Variants in MGLL observed in about 807,000 individuals in gnomAD.
MGLL encodes the protein monoglyceride lipase.
A neutral mutation model predicts 29.1 loss-of-function variants in MGLL; 7 were observed. The observed-to-expected ratio is 0.24, with a 90% CI of 0.14 to 0.45. MGLL has a LOEUF of 0.45. MGLL is among the 20% of genes least tolerant of loss of function. MGLL has a pLI of 0.99. For synonymous variants in MGLL, 148 were observed against 168.3 expected, an observed-to-expected ratio of 0.88 and a Z score of 0.93; for missense variants, 356 against 413.6, an observed-to-expected ratio of 0.86 and a Z score of 1.21.
intron 3 of MGLL, among the ~76,000 whole-genome samples, chr3:127,758,130 C>T (rs1313343442): frequency 1.3e-5 from 2 of 152,164 alleles, no homozygotes; most frequent in Non-Finnish European, 2.9e-5. Context: ...TTTGCACTGG[C>T]CACCCCCTTT....
At chr3:127,730,801 G>A (rs1004143753) in intron 3 of MGLL, among the ~76,000 whole-genome samples, 3 of 152,192 alleles carry the variant, frequency 2.0e-5, no homozygotes, top group Admixed American at 6.5e-5. Flanking sequence ...TGCTGCAGTG[G>A]CTTCTAAGGT....
At chr3:127,702,769 A>T (rs1194816426) in intron 6 of MGLL, among the ~76,000 whole-genome samples, 1 of 152,070 alleles carries the variant, frequency 6.6e-6, no homozygotes, top group East Asian at 1.9e-4. Flanking sequence ...ATCTTGGCTC[A>T]CTGCAACCTC....
At chr3:127,790,071 ATCC>A (rs2077275276) in intron 2 of MGLL, among the ~76,000 whole-genome samples, 1 of 152,222 alleles carries the variant, frequency 6.6e-6, no homozygotes, top group Admixed American at 6.5e-5. Context: ...AAAAAGCAGT[ATCC>A]TGTGGGCTGG....
intron 3 of MGLL, among the ~76,000 whole-genome samples, chr3:127,726,180 G>GAAAGA (rs1425884579): frequency 7.8e-5 from 4 of 51,388 alleles, no homozygotes; most frequent in Non-Finnish European, 1.3e-4. Context: ...AAGAAAGAAA[G>GAAAGA]AAAGAAAAGA....
At chr3:127,713,928 G>A (rs1404337104) in intron 5 of MGLL, 1 of 152,332 alleles carries the variant, frequency 6.6e-6, no homozygotes, top group Non-Finnish European at 1.5e-5. Flanking sequence ...GTTTCACAGA[G>A]GTTGGGGAAG....
rs146072926 is a variant in MGLL at position 127,731,436 on chromosome 3, T to A, written c.263-8870A>T. Among the ~76,000 whole-genome samples, 709 of 152,164 alleles carry A rather than the reference T, an allele frequency of 4.7e-3. 3 individuals carry two copies. Among genetic ancestry groups the A allele is most frequent in the African/African-American group, 0.016 (663 of 41,494 alleles). On this transcript the variant is annotated intron_variant, in intron 3 of 7. Coordinates refer to ENST00000265052, the MANE Select transcript of MGLL (RefSeq NM_007283.7). ...TAGTTTTGTGTCTCTATGTATTAAC[T>A]ATGTTTTTAAATTTGCTGTACTTTG... is the stretch of plus-strand genomic sequence containing the variant.
chr3:127,785,396 G>A (rs953831189), intron 2 of MGLL, among the ~76,000 whole-genome samples: 2 of 152,242 alleles, frequency 1.3e-5, no homozygotes, highest in Non-Finnish European at 2.9e-5. Context: ...GCTTCCTGAT[G>A]GAAGGTCACA....
At chr3:127,741,630 T>C (rs2107655531) in intron 3 of MGLL, among the ~76,000 whole-genome samples, 1 of 152,342 alleles carries the variant, frequency 6.6e-6, no homozygotes, top group South Asian at 2.1e-4. Flanking sequence ...GTAATTTGCC[T>C]CCTTGCTCAG....
chr3:127,704,839 T>A (rs2075568015), intron 6 of MGLL, among the ~76,000 whole-genome samples: 1 of 151,996 alleles, frequency 6.6e-6, no homozygotes, highest in Admixed American at 6.6e-5. Context: ...AGAAACCCCA[T>A]TTGACCCAGC....
chr3:127,722,130 C>T (rs1209690906), intron 4 of MGLL, among the ~76,000 whole-genome samples: 2 of 152,208 alleles, frequency 1.3e-5, no homozygotes, highest in Non-Finnish European at 2.9e-5. Context: ...TTCCCCCCTC[C>T]AAGAAGTGGC....
intron 2 of MGLL, among the ~76,000 whole-genome samples, chr3:127,800,452 G>A (rs2077455988): frequency 6.6e-6 from 1 of 152,196 alleles, no homozygotes; most frequent in Admixed American, 6.5e-5. Context: ...TGGGCAAGTT[G>A]CTGAACTACT....
intron 5 of MGLL, among the ~76,000 whole-genome samples, chr3:127,714,567 G>A (rs552644141): frequency 6.6e-6 from 1 of 152,332 alleles, no homozygotes; most frequent in African/African-American, 2.4e-5. Flanking sequence ...GTAGATGGAG[G>A]AACACGCCCT....
intron 2 of MGLL, among the ~76,000 whole-genome samples, chr3:127,809,187 C>G (rs976921227): frequency 6.6e-6 from 1 of 152,174 alleles, no homozygotes; most frequent in Admixed American, 6.5e-5. Flanking sequence ...TCAATCTTCT[C>G]ATCTTGCTCT....
chr3:127,720,062 G>T (rs192870901), intron 5 of MGLL, among the ~76,000 whole-genome samples: 1 of 152,192 alleles, frequency 6.6e-6, no homozygotes, highest in African/African-American at 2.4e-5. Context: ...GTTGTTATAA[G>T]GTTTCATTCC....
At position 127,773,415 on chromosome 3, in the gene MGLL, C is replaced by T. The variant is rs146232058; in HGVS notation, c.262+8374G>A. ...TCACCTCCTGGCAGCGCTGTGAGGA[C>T]AAGTCAGATAAGGTATGAACATGTA... is the stretch of plus-strand genomic sequence containing the variant. On this transcript the variant is annotated intron_variant, in intron 3 of 7. Transcript: ENST00000265052. 4.5e-3 allele frequency among the ~76,000 whole-genome samples: 688 copies of T among 152,348 alleles called. 2 individuals are homozygous for T. Among genetic ancestry groups the T allele is most frequent in the African/African-American group, 0.015 (644 of 41,574 alleles).
intron 3 of MGLL, among the ~76,000 whole-genome samples, chr3:127,734,424 C>T (rs1465245554): frequency 2.6e-5 from 4 of 152,166 alleles, no homozygotes; most frequent in Non-Finnish European, 5.9e-5. Flanking sequence ...TGCAGTGCGC[C>T]CGTGCCTTCA....
intron 3 of MGLL, among the ~76,000 whole-genome samples, chr3:127,736,899 T>G (rs555072282): frequency 4.7e-4 from 72 of 152,310 alleles, no homozygotes; most frequent in African/African-American, 1.6e-3. Flanking sequence ...TTCACCTTGT[T>G]GGCCAGGCTG....
chr3:127,694,840 C>T (rs753776427), intron 7 of MGLL, 135 bp downstream of exon 7: 24 of 750,544 alleles, frequency 3.2e-5, no homozygotes, highest in East Asian at 2.4e-4. Context: ...ATTTATTTCT[C>T]GGTCAAGCAG....
intron 5 of MGLL, among the ~76,000 whole-genome samples, chr3:127,717,525 G>A (rs2075838781): frequency 6.6e-6 from 1 of 152,182 alleles, no homozygotes. Context: ...GGGCTCCCAG[G>A]GGCAACCCCC....
Sources: gnomAD v4.1 joint callset for allele counts (sites outside exome capture counted in the v4.1 genomes callset) on GRCh38, gnomAD v4.1.1 for gene constraint, MANE v1.5 for transcripts, NCBI Gene and HGNC (gene_info 2026-07-23, HGNC 2026-07-21) for gene names.